DAB1: variants seen among roughly 807,000 people sequenced by gnomAD.
DAB1 encodes DAB adaptor protein 1.
A neutral mutation model predicts 64.6 loss-of-function variants in DAB1; 15 were observed. That is an observed-to-expected ratio of 0.23 (90% CI 0.16 to 0.36). DAB1 has a LOEUF of 0.36. DAB1 is among the 10% of genes least tolerant of loss of function. The pLI, the probability that DAB1 is intolerant of heterozygous loss-of-function variation, is 1.00. For synonymous variants in DAB1, 235 were observed against 251.9 expected (o/e 0.93, Z 0.64); for missense variants, 596 against 706.7 (o/e 0.84, Z 1.78).
chr1:58,540,583 G>C (rs1253813721), intron 1 of DAB1, among the ~76,000 whole-genome samples: 3 of 149,778 alleles, frequency 2.0e-5, no homozygotes, highest in Non-Finnish European at 4.4e-5. Flanking sequence ...CAAGAAAACT[G>C]TAAGAACTAA....
intron 4 of DAB1, among the ~76,000 whole-genome samples, chr1:58,176,592 G>A (rs1477296641): frequency 6.6e-6 from 1 of 152,134 alleles, no homozygotes; most frequent in Non-Finnish European, 1.5e-5. Flanking sequence ...AGGCAAGAGG[G>A]CAAGAGAGCA....
rs371571942 is a variant in DAB1 at position 57,106,259 on chromosome 1, C to CT, written c.306+30283_306+30284insA. On this transcript the variant is annotated intron_variant, in intron 4 of 14. Coordinates refer to ENST00000371236, the MANE Select transcript of DAB1 (RefSeq NM_001365792.1). ...TCCTGTTCATTTATCCCCCTAACAC[C>CT]CCCCCCCATCAGTATTATCTCTGCA... Among the ~76,000 whole-genome samples the CT allele has an allele frequency of 8.5e-5, 12 of 140,916 alleles. No individual in the cohort carries two copies. The East Asian group carries it at 1.2e-3, about 14-fold the overall frequency. 92.4% of individuals were successfully genotyped at this position (140,916 alleles called of 152,430 possible).
chr1:58,054,628 C>G (rs1442527901), intron 5 of DAB1, among the ~76,000 whole-genome samples: 1 of 152,208 alleles, frequency 6.6e-6, no homozygotes, highest in Non-Finnish European at 1.5e-5. Flanking sequence ...CTTGGTCTCA[C>G]AAAGATATTT....
At chr1:58,165,552 G>C (rs893442834) in intron 4 of DAB1, among the ~76,000 whole-genome samples, 4 of 152,158 alleles carry the variant, frequency 2.6e-5, no homozygotes, top group Non-Finnish European at 5.9e-5. Flanking sequence ...AGATACAACA[G>C]AGCATGCATG....
At chr1:57,917,231 G>T (rs115122717) in intron 5 of DAB1, among the ~76,000 whole-genome samples, 1,998 of 152,230 alleles carry the variant, frequency 0.013, 53 homozygotes, top group African/African-American at 0.046. Context: ...CAGATATAAG[G>T]GCCTAGGGCA....
chr1:57,634,350 C>A (rs1181515190), intron 7 of DAB1, among the ~76,000 whole-genome samples: 4 of 152,054 alleles, frequency 2.6e-5, no homozygotes, highest in Admixed American at 2.6e-4. Flanking sequence ...AATAGTGGCT[C>A]CCTTGGGCAA....
intron 3 of DAB1, among the ~76,000 whole-genome samples, chr1:58,481,606 T>A (rs1376686056): frequency 6.6e-6 from 1 of 152,146 alleles, no homozygotes; most frequent in African/African-American, 2.4e-5. Flanking sequence ...TGATACAGTC[T>A]TGGGTAAAAT....
At chr1:57,427,877 C>T (rs182330449), upstream of DAB1, among the ~76,000 whole-genome samples, 48 of 152,228 alleles carry the variant, frequency 3.2e-4, no homozygotes, top group African/African-American at 8.4e-4. Context: ...TTAAGATCTA[C>T]GCTCTTAGGG....
intron 4 of DAB1, among the ~76,000 whole-genome samples, chr1:58,296,611 T>C (rs986909229): frequency 2.0e-5 from 3 of 152,202 alleles, no homozygotes; most frequent in Admixed American, 1.3e-4. Context: ...CAGTCCTGAT[T>C]AGACTGTGCT....
intron 3 of DAB1, among the ~76,000 whole-genome samples, chr1:57,137,356 G>A (rs559544391): frequency 3.3e-5 from 5 of 152,130 alleles, no homozygotes; most frequent in Admixed American, 6.5e-5. Flanking sequence ...TTTGTCCACC[G>A]CTTTATCTCT....
chr1:57,498,973 GTGTTT>G (rs997567530), intron 7 of DAB1, among the ~76,000 whole-genome samples: 18 of 152,098 alleles, frequency 1.2e-4, no homozygotes, highest in Non-Finnish European at 1.3e-4. Flanking sequence ...GGTTTATATG[GTGTTT>G]TGTTTTGTTT....
In DAB1 at chr1:57,656,483, A is replaced by G. The variant is rs183018951; in HGVS notation, n.552-6818T>C. Among the ~76,000 whole-genome samples the G allele has an allele frequency of 4.3e-3, 660 of 152,340 alleles. 23 individuals are homozygous for G. The highest frequency in any genetic ancestry group is 0.038 in the Admixed American group (588 of 15,308). ...GCAACAACCTAATATTTGGTCTTTT[A>G]TTGTGATCTTACACATGACATAGGT... is the stretch of plus-strand genomic sequence containing the variant. On this transcript the variant is annotated intron_variant and non_coding_transcript_variant, in intron 6 of 20. Coordinates refer to the DAB1 transcript ENST00000485760.
At chr1:58,338,518 A>C (rs935912902) in intron 4 of DAB1, among the ~76,000 whole-genome samples, 1 of 152,232 alleles carries the variant, frequency 6.6e-6, no homozygotes, top group Non-Finnish European at 1.5e-5. Flanking sequence ...GATTTCACTA[A>C]GTAATTTAAG....
Position 57,599,702 on chromosome 1 carries a change from C to A in DAB1, n.625+49890G>T, listed in dbSNP as rs144994635. Among the ~76,000 whole-genome samples the A allele has an allele frequency of 3.5e-4, 54 of 152,220 alleles. No homozygotes were observed. In the South Asian group the frequency reaches 5.0e-3, roughly 14 times the overall value. On this transcript the variant is annotated intron_variant and non_coding_transcript_variant, in intron 7 of 20. Coordinates refer to the DAB1 transcript ENST00000485760. Reference sequence around the variant, plus strand: ...CATGGGGCATTTCAAGGGTTTTAAGCAAAGTCACTCATTCCCCAGTTTAAA... The same window carrying A: ...CATGGGGCATTTCAAGGGTTTTAAGAAAAGTCACTCATTCCCCAGTTTAAA...
intron 6 of DAB1, among the ~76,000 whole-genome samples, chr1:57,786,019 C>T (rs1231958992): frequency 6.6e-6 from 1 of 152,114 alleles, no homozygotes; most frequent in African/African-American, 2.4e-5. Flanking sequence ...CAATTACTAC[C>T]CTGATCAATC....
chr1:58,102,335 G>A (rs926022991), intron 5 of DAB1, among the ~76,000 whole-genome samples: 1 of 152,214 alleles, frequency 6.6e-6, no homozygotes, highest in African/African-American at 2.4e-5. Flanking sequence ...GATAAAGTGG[G>A]AGAAAGAGAG....
rs531324799 is a variant in DAB1 at position 58,319,372 on chromosome 1, A to C, written n.309+23980T>G. On this transcript the variant is annotated intron_variant and non_coding_transcript_variant, in intron 4 of 20. Transcript: ENST00000485760. Reference sequence around the variant, plus strand: ...TTGCATTTGGATGCTTTCACCTACAAATAACAAACCAAACTTGAACTAGCT... The same window carrying C: ...TTGCATTTGGATGCTTTCACCTACACATAACAAACCAAACTTGAACTAGCT... Among the ~76,000 whole-genome samples, 74 of 152,312 alleles carry C rather than the reference A, an allele frequency of 4.9e-4. 1 individual carries two copies. The highest frequency in any genetic ancestry group is 1.7e-3 in the African/African-American group (72 of 41,564).
chr1:57,944,124 T>C (rs1645146194), intron 5 of DAB1, among the ~76,000 whole-genome samples: 1 of 152,176 alleles, frequency 6.6e-6, no homozygotes, highest in African/African-American at 2.4e-5. Context: ...GAGTTCTTCA[T>C]AATCTCTTCC....
intron 6 of DAB1, among the ~76,000 whole-genome samples, chr1:57,769,526 A>G (rs547854131): frequency 6.6e-6 from 1 of 152,276 alleles, no homozygotes; most frequent in South Asian, 2.1e-4. Context: ...GCTGGTGGCC[A>G]GTTTCAAGAA....
Sources: gnomAD v4.1 joint callset for allele counts (sites outside exome capture counted in the v4.1 genomes callset) on GRCh38, gnomAD v4.1.1 for gene constraint, MANE v1.5 for transcripts, NCBI Gene and HGNC (gene_info 2026-07-23, HGNC 2026-07-21) for gene names.